Variants in CDK14 observed in about 807,000 individuals in gnomAD.
The protein encoded by CDK14 is cyclin-dependent kinase 14.
In CDK14, 34 loss-of-function variants were observed where a neutral mutation model predicts 60.7. That is an observed-to-expected ratio of 0.56 (90% confidence interval 0.43 to 0.75). The LOEUF is 0.75. Among genes scored for constraint, CDK14 ranks in the 30% least tolerant of loss-of-function variants. The pLI is 0.00. For missense variants in CDK14, 482 were observed against 564.1 expected (o/e 0.85, Z 1.47); for synonymous variants, 197 against 203.7 (o/e 0.97, Z 0.28).
At chr7:90,621,529 G>A (rs1799764472) in intron 2 of CDK14, among the ~76,000 whole-genome samples, 1 of 152,316 alleles carries the variant, frequency 6.6e-6, no homozygotes, top group Non-Finnish European at 1.5e-5. Flanking sequence ...CCTAGTAGGT[G>A]CTGAATAAAA....
intron 8 of CDK14, among the ~76,000 whole-genome samples, chr7:90,936,468 A>C (rs1006841746): frequency 6.6e-6 from 1 of 152,216 alleles, no homozygotes; most frequent in Non-Finnish European, 1.5e-5. Flanking sequence ...TAAGATTTTT[A>C]ATGAAGAGAA....
At chr7:91,040,424 A>T (rs1039846634) in intron 10 of CDK14, among the ~76,000 whole-genome samples, 21 of 152,198 alleles carry the variant, frequency 1.4e-4, no homozygotes, top group Admixed American at 1.4e-3. Flanking sequence ...CTAGAAAAAA[A>T]TCTTCCAGAT....
intron 6 of CDK14, among the ~76,000 whole-genome samples, chr7:90,887,140 C>A (rs10261570): frequency 0.99 from 151,222 of 152,242 alleles, 75,110 homozygotes; most frequent in East Asian, 1. Flanking sequence ...TACTTGGAAC[C>A]AATTTTTTAC....
At chr7:91,089,299 G>A (rs1798733474) in intron 12 of CDK14, among the ~76,000 whole-genome samples, 1 of 152,050 alleles carries the variant, frequency 6.6e-6, no homozygotes, top group African/African-American at 2.4e-5. Context: ...AAGTTTCTCA[G>A]GGAAAACGGC....
At chr7:90,869,936 C>A (rs1379374611) in intron 6 of CDK14, among the ~76,000 whole-genome samples, 2 of 152,176 alleles carry the variant, frequency 1.3e-5, no homozygotes, top group East Asian at 3.9e-4. Flanking sequence ...ATTATCATTG[C>A]TTCTTTGGAC....
intron 7 of CDK14, among the ~76,000 whole-genome samples, chr7:90,916,204 A>G (rs2117413457): frequency 6.6e-6 from 1 of 152,282 alleles, no homozygotes; most frequent in African/African-American, 2.4e-5. Flanking sequence ...GTGAAGAATG[A>G]GGCTGGCAGC....
intron 2 of CDK14, among the ~76,000 whole-genome samples, chr7:90,641,548 T>C (rs1418180718): frequency 1.3e-5 from 2 of 152,120 alleles, no homozygotes; most frequent in Non-Finnish European, 2.9e-5. Flanking sequence ...TATGATTCTG[T>C]TTATATGAAA....
chr7:90,731,098 A>T (rs1802845992), intron 3 of CDK14, among the ~76,000 whole-genome samples: 1 of 151,966 alleles, frequency 6.6e-6, no homozygotes, highest in South Asian at 2.1e-4. Context: ...AACACTATTT[A>T]TTAAATAGGG....
intron 10 of CDK14, among the ~76,000 whole-genome samples, chr7:91,010,127 C>A (rs894018233): frequency 6.6e-5 from 10 of 152,026 alleles, no homozygotes; most frequent in Admixed American, 6.6e-4. Flanking sequence ...TAGACTGTTT[C>A]ATCTTGATGT....
At chr7:90,733,876 A>G (rs1802975464) in intron 3 of CDK14, among the ~76,000 whole-genome samples, 1 of 152,152 alleles carries the variant, frequency 6.6e-6, no homozygotes. Context: ...TATTTTGCCC[A>G]TTAGTTGATG....
chr7:90,757,256 G>GTGTGTGTGTGTC (rs1554330398), intron 4 of CDK14, among the ~76,000 whole-genome samples: 14 of 147,518 alleles, frequency 9.5e-5, no homozygotes, highest in East Asian at 9.4e-4. Context: ...GTGTGTCTGT[G>GTGTGTGTGTGTC]TGTGTCTGTG....
At chr7:90,985,203 G>A (rs1378243813) in intron 10 of CDK14, among the ~76,000 whole-genome samples, 1 of 152,132 alleles carries the variant, frequency 6.6e-6, no homozygotes, top group Non-Finnish European at 1.5e-5. Context: ...TTTTGAAAAT[G>A]TGTAAAATGT....
intron 5 of CDK14, among the ~76,000 whole-genome samples, chr7:90,809,678 G>C (rs923150865): frequency 6.6e-6 from 1 of 152,098 alleles, no homozygotes. Flanking sequence ...AATGAATCCA[G>C]GAGCTAGTTT....
chr7:90,807,097 T>A (rs930711656), intron 5 of CDK14, among the ~76,000 whole-genome samples: 4 of 152,240 alleles, frequency 2.6e-5, no homozygotes, highest in Non-Finnish European at 5.9e-5. Context: ...AATGTCCCTG[T>A]CTGACAGCTT....
intron 2 of CDK14, among the ~76,000 whole-genome samples, chr7:90,715,986 T>A (rs1435694536): frequency 6.6e-6 from 1 of 152,022 alleles, no homozygotes; most frequent in African/African-American, 2.4e-5. Context: ...TCTTAACACG[T>A]ACCATTTGGT....
chr7:91,003,464 T>C (rs1795895912), intron 10 of CDK14, among the ~76,000 whole-genome samples: 1 of 152,118 alleles, frequency 6.6e-6, no homozygotes. Context: ...TGACATGTCT[T>C]AGAAAAAAAT....
intron 12 of CDK14, among the ~76,000 whole-genome samples, chr7:91,109,464 A>G (rs1013423397): frequency 2.0e-5 from 3 of 152,298 alleles, no homozygotes; most frequent in Middle Eastern, 6.8e-3. Flanking sequence ...TGGAAATAGA[A>G]TGCATAACTT....
chr7:91,088,715 T>G (rs1798714257), intron 12 of CDK14, among the ~76,000 whole-genome samples: 1 of 152,194 alleles, frequency 6.6e-6, no homozygotes, highest in Non-Finnish European at 1.5e-5. Flanking sequence ...AATTCTCTGC[T>G]AGTCCTCAGC....
intron 12 of CDK14, among the ~76,000 whole-genome samples, chr7:91,082,393 T>A (rs944480835): frequency 6.6e-6 from 1 of 152,230 alleles, no homozygotes; most frequent in African/African-American, 2.4e-5. Context: ...GTCTACAGAC[T>A]TGAATAGGCA....
Sources: allele counts gnomAD v4.1 joint callset (sites outside exome capture counted in the v4.1 genomes callset), GRCh38; gene constraint gnomAD v4.1.1; transcripts MANE v1.5; gene names NCBI Gene and HGNC (gene_info 2026-07-23, HGNC 2026-07-21).